Variants in SYTL5 observed in about 807,000 individuals in gnomAD.
SYTL5 encodes synaptotagmin like 5.
Under a neutral mutation model 55.9 loss-of-function variants are expected in SYTL5, and 34 were observed. The ratio of observed to expected loss-of-function variants is 0.61; its 90% CI spans 0.46 to 0.81. The LOEUF (loss-of-function observed/expected upper bound fraction) is 0.81, where lower values mean the gene tolerates loss of function less well. Ranked by LOEUF, SYTL5 falls within the 30% of genes least tolerant of loss-of-function variation. The pLI is 0.00. For synonymous variants in SYTL5, 221 were observed against 188.7 expected (o/e 1.17, Z -1.40); for missense variants, 637 against 546.7 (o/e 1.17, Z -1.65).
At chrX:37,912,033 C>T in the SYTL5 span, among the ~76,000 whole-genome samples, 3 of 112,215 alleles carry the variant, frequency 2.7e-5, no homozygotes, top group African/African-American at 9.7e-5. Context: ...GCCCCATTTA[C>T]TCTGGGCCTA....
In SYTL5 at chrX:38,128,146, G is replaced by C. The variant is rs1203730731; in HGVS notation, c.*1416G>C. 1 of 112,329 alleles carries C rather than the reference G, an allele frequency of 8.9e-6. No individual in the cohort carries two copies. The highest frequency in any genetic ancestry group is 1.9e-5 in the Non-Finnish European group (1 of 53,301). The allele number at this position is 112,329 out of a possible 1,213,427, so 9.3% of individuals were successfully genotyped here. On this transcript the variant is annotated 3_prime_UTR_variant, in exon 17 of 17. Coordinates refer to ENST00000297875, the MANE Select transcript of SYTL5 (RefSeq NM_138780.3). ...TTAGATGCAAAGAAAGTTAAAGCTA[G>C]AAGGAACCTCAGGCCCAGTTGCTCA...
chrX:37,996,301 G>A, the SYTL5 span, among the ~76,000 whole-genome samples: 1 of 112,119 alleles, frequency 8.9e-6, no homozygotes, highest in South Asian at 3.7e-4. Flanking sequence ...CTCAGGGGAG[G>A]TGGGGAGGCA....
At chrX:38,072,782 G>C (rs1440485007) in intron 4 of SYTL5, among the ~76,000 whole-genome samples, 1 of 112,139 alleles carries the variant, frequency 8.9e-6, no homozygotes, top group East Asian at 2.8e-4. Flanking sequence ...ACTTTACCTT[G>C]ACAGTGCCTT....
chrX:38,091,431 C>T (rs1936796890), intron 7 of SYTL5, among the ~76,000 whole-genome samples: 1 of 111,957 alleles, frequency 8.9e-6, no homozygotes, highest in Non-Finnish European at 1.9e-5. Context: ...ACACTCACCT[C>T]TTGGAATCTA....
intron 6 of SYTL5, among the ~76,000 whole-genome samples, chrX:38,077,076 T>G (rs1333763112): frequency 1.8e-5 from 2 of 111,808 alleles, no homozygotes; most frequent in African/African-American, 6.5e-5. Context: ...TTTTAAAAAA[T>G]TATTAATAAT....
chrX:37,963,225 T>C, the SYTL5 span, among the ~76,000 whole-genome samples: 1 of 111,377 alleles, frequency 9.0e-6, no homozygotes, highest in Non-Finnish European at 1.9e-5. Context: ...TTTCAGAAAA[T>C]ATATGGTTGG....
chrX:38,096,315 T>G, intron 9 of SYTL5, 81 bp downstream of exon 9: 1 of 531,245 alleles, frequency 1.9e-6, no homozygotes, highest in Admixed American at 2.9e-5. Context: ...CACTTTTAGG[T>G]GATGATGAGT....
upstream of SYTL5, among the ~76,000 whole-genome samples, chrX:38,001,812 G>A (rs778697056): frequency 8.1e-5 from 9 of 111,099 alleles, no homozygotes; most frequent in South Asian, 3.1e-3. Flanking sequence ...GTTATATACC[G>A]AGCAGTGGGA....
the SYTL5 span, among the ~76,000 whole-genome samples, chrX:37,996,492 G>C: frequency 8.9e-6 from 1 of 112,647 alleles, no homozygotes; most frequent in East Asian, 2.8e-4. Flanking sequence ...AGTGGGCAAG[G>C]ACAGAGGCCG....
In SYTL5 at chrX:38,073,691, A is replaced by G. The variant is rs1446205291; in HGVS notation, c.547A>G (p.Arg183Gly). The change falls in exon 5 of 17, where the codon AGA (arginine) becomes GGA (glycine). Residue 183 changes from arginine to glycine, a missense_variant. Transcript: ENST00000297875. ...GAAGGCCAGCCATGATGGGCCCAAG[A>G]GAAAGGGGTAAGACATGGTCTTTCT... is the stretch of plus-strand genomic sequence containing the variant. ...GKKASHDGPK[R>G]KGFLLSKFRS... 2.6e-6 allele frequency: 3 copies of G among 1,173,442 alleles called. No homozygotes were observed. The South Asian group carries it at 5.7e-5, about 22-fold the overall frequency.
At chrX:38,099,714 C>T (rs754535095) in intron 9 of SYTL5, among the ~76,000 whole-genome samples, 12 of 111,084 alleles carry the variant, frequency 1.1e-4, no homozygotes, top group African/African-American at 3.6e-4. Context: ...TAGCTAAGAG[C>T]TTCTCATGTA....
At chrX:38,074,048 C>A (rs1276274715) in intron 5 of SYTL5, among the ~76,000 whole-genome samples, 2 of 111,354 alleles carry the variant, frequency 1.8e-5, no homozygotes, top group East Asian at 5.6e-4. Context: ...ATACTCCTCC[C>A]CTCCAACCTG....
the SYTL5 span, among the ~76,000 whole-genome samples, chrX:37,970,982 A>G: frequency 8.9e-6 from 1 of 112,553 alleles, no homozygotes; most frequent in Non-Finnish European, 1.9e-5. Flanking sequence ...ATATTATTTT[A>G]CCAATAATTT....
the SYTL5 span, among the ~76,000 whole-genome samples, chrX:37,912,056 T>C: frequency 8.9e-6 from 1 of 112,414 alleles, no homozygotes; most frequent in Non-Finnish European, 1.9e-5. Context: ...ATCTAAAGAA[T>C]GGGTCTTGCT....
chrX:38,033,883 A>T lies in SYTL5; in HGVS notation c.-7A>T. On this transcript the variant is annotated 5_prime_UTR_variant, in exon 2 of 17. Transcript: ENST00000297875. ...CCACTGCTACTCAGAGCTGCTGCTG[A>T]AATACCATGTCTAAGAACTCAGAGT... is the stretch of plus-strand genomic sequence containing the variant. 1 of 1,102,033 alleles carries T rather than the reference A, an allele frequency of 9.1e-7. No individual in the cohort carries two copies. The allele number at this position is 1,102,033 out of a possible 1,213,427, so 90.8% of individuals were successfully genotyped here.
At chrX:38,028,101 G>A (rs779454641) in intron 1 of SYTL5, among the ~76,000 whole-genome samples, 1 of 111,729 alleles carries the variant, frequency 9.0e-6, no homozygotes, top group East Asian at 2.8e-4. Context: ...TGGGATTACA[G>A]GCATGAGCCA....
At chrX:38,003,220 G>C (rs1228537440), upstream of SYTL5, among the ~76,000 whole-genome samples, 1 of 111,261 alleles carries the variant, frequency 9.0e-6, no homozygotes, top group South Asian at 3.8e-4. Context: ...CTGTTCCATT[G>C]GTCTATATGT....
chrX:38,117,325 G>C (rs189025044), intron 13 of SYTL5, among the ~76,000 whole-genome samples: 1 of 111,369 alleles, frequency 9.0e-6, no homozygotes, highest in African/African-American at 3.3e-5. Context: ...TATTTATACG[G>C]GGTCTACAGT....
At chrX:38,071,243 G>A (rs1936255758) in intron 3 of SYTL5, among the ~76,000 whole-genome samples, 1 of 111,662 alleles carries the variant, frequency 9.0e-6, no homozygotes, top group Admixed American at 9.5e-5. Flanking sequence ...AGACAAAGAA[G>A]AGGATTATAA....
Sources: allele counts gnomAD v4.1 joint callset (sites outside exome capture counted in the v4.1 genomes callset), GRCh38; gene constraint gnomAD v4.1.1; transcripts MANE v1.5; gene names NCBI Gene and HGNC (gene_info 2026-07-23, HGNC 2026-07-21).